Variants in COLEC12 observed in about 807,000 individuals in gnomAD.
COLEC12 encodes collectin subfamily member 12.
COLEC12 carries 33 observed loss-of-function variants against 71.1 expected under a neutral mutation model. That is an observed-to-expected ratio of 0.46 (90% CI 0.35 to 0.62). The LOEUF is 0.62. COLEC12 is among the 20% of genes least tolerant of loss of function. The pLI, the probability that COLEC12 is intolerant of heterozygous loss-of-function variation, is 0.00. For missense variants in COLEC12, 765 were observed against 916.1 expected (o/e 0.84, Z 2.13); for synonymous variants, 350 against 353.0 (o/e 0.99, Z 0.10).
intron 2 of COLEC12, among the ~76,000 whole-genome samples, chr18:376,505 G>C (rs1039484784): frequency 3.3e-5 from 5 of 152,152 alleles, no homozygotes; most frequent in Non-Finnish European, 7.3e-5. Context: ...AGTAGAGTTG[G>C]CAAGAAGCGG....
intron 2 of COLEC12, among the ~76,000 whole-genome samples, chr18:457,716 G>C (rs553913295): frequency 6.6e-6 from 1 of 152,266 alleles, no homozygotes. Context: ...AGTCCCAAGA[G>C]TTGCAAAATG....
rs369640707 is a variant in COLEC12 at position 406,179 on chromosome 18, C to A, written c.59-48657G>T. ...AAAAAGGGGAGACATGAATAATCCA[C>A]CCCTTGTTTAGCATATCATCAAAAA... On this transcript the variant is annotated intron_variant, in intron 2 of 9. Coordinates refer to ENST00000400256, the MANE Select transcript of COLEC12 (RefSeq NM_130386.3). Among the ~76,000 whole-genome samples, 3 of 152,222 alleles carry A rather than the reference C, an allele frequency of 2.0e-5. No homozygotes were observed. In the East Asian group the frequency reaches 5.8e-4, roughly 30 times the overall value.
At chr18:395,061 T>C (rs1287915652) in intron 2 of COLEC12, among the ~76,000 whole-genome samples, 1 of 152,260 alleles carries the variant, frequency 6.6e-6, no homozygotes, top group Non-Finnish European at 1.5e-5. Context: ...GCTTGGCATC[T>C]GGGACTGGTT....
rs574779751 is a variant in COLEC12 at position 327,425 on chromosome 18, G to A, written c.2063+4243C>T. Among the ~76,000 whole-genome samples the A allele has an allele frequency of 1.7e-4, 26 of 152,174 alleles. No individual in the cohort carries two copies. The highest frequency in any genetic ancestry group is 2.5e-4 in the Non-Finnish European group (17 of 68,028). ...CTTGGAACTGTCCGGGCCATTGCAGGTGGCATCTCACGCCACCCTTTCCCC... is the reference window on the plus strand; with the variant it reads ...CTTGGAACTGTCCGGGCCATTGCAGATGGCATCTCACGCCACCCTTTCCCC... On this transcript the variant is annotated intron_variant, in intron 8 of 9. Transcript: ENST00000400256. The surrounding 1 kb of genome is among the most constrained non-coding windows in gnomAD (Gnocchi z 4.0).
chr18:331,579 T>C (rs1913982150), intron 8 of COLEC12, 89 bp downstream of exon 8: 1 of 817,962 alleles, frequency 1.2e-6, no homozygotes, highest in East Asian at 2.5e-5. Flanking sequence ...CACGAGGTCA[T>C]TAAGGAAGAA....
chr18:359,975 G>A (rs961091193), intron 2 of COLEC12, among the ~76,000 whole-genome samples: 1 of 152,132 alleles, frequency 6.6e-6, no homozygotes, highest in Non-Finnish European at 1.5e-5. Flanking sequence ...CTTAAATTTA[G>A]CTTTCAGGGC....
chr18:347,471 G>A, intron 4 of COLEC12, 130 bp from the exon 5 acceptor site: 1 of 701,678 alleles, frequency 1.4e-6, no homozygotes, highest in Admixed American at 2.7e-5. Context: ...TAAGCGGACA[G>A]CTCTGCATTA....
At chr18:352,144 G>C (rs943978696) in intron 3 of COLEC12, among the ~76,000 whole-genome samples, 4 of 152,112 alleles carry the variant, frequency 2.6e-5, no homozygotes, top group African/African-American at 9.7e-5. Context: ...CTGTACCTTA[G>C]GGTTGCTTCA....
intron 2 of COLEC12, among the ~76,000 whole-genome samples, chr18:431,058 T>C (rs1392035861): frequency 6.6e-6 from 1 of 152,082 alleles, no homozygotes; most frequent in Non-Finnish European, 1.5e-5. Flanking sequence ...AGTGGTATGA[T>C]CAAGGCTCAC....
At chr18:450,193 C>CT (rs1182578536) in intron 2 of COLEC12, among the ~76,000 whole-genome samples, 1 of 152,188 alleles carries the variant, frequency 6.6e-6, no homozygotes, top group African/African-American at 2.4e-5. Context: ...ACACCACACT[C>CT]TTTTGGTTCT....
At chr18:442,554 T>C (rs143940844) in intron 2 of COLEC12, among the ~76,000 whole-genome samples, 1 of 152,256 alleles carries the variant, frequency 6.6e-6, no homozygotes, top group East Asian at 1.9e-4. Flanking sequence ...TGAGTTCAAG[T>C]TTCCCTTGCC....
chr18:408,218 C>G lies in COLEC12; in HGVS notation c.59-50696G>C, dbSNP rs1331607166. 6.6e-6 allele frequency among the ~76,000 whole-genome samples: 1 copy of G among 152,088 alleles called. No homozygotes were observed. The highest frequency in any genetic ancestry group is 2.4e-5 in the African/African-American group (1 of 41,404). On this transcript the variant is annotated intron_variant, in intron 2 of 9. Coordinates refer to ENST00000400256, the MANE Select transcript of COLEC12 (RefSeq NM_130386.3). This position sits in a 1 kb window ranked among gnomAD's most constrained non-coding sequence, Gnocchi z 4.3. The stretch of plus-strand genomic sequence containing the variant: ...ATCACAAGTTATTTAACCCTAAACT[C>G]CAGGTTCCTAATTGGGAAACTAGGT...
intron 1 of COLEC12, among the ~76,000 whole-genome samples, chr18:481,743 C>A (rs951875107): frequency 6.6e-6 from 1 of 151,966 alleles, no homozygotes; most frequent in Non-Finnish European, 1.5e-5. Flanking sequence ...TATCACCCAA[C>A]CTTTCTACCA....
At chr18:366,700 C>G (rs771192754) in intron 2 of COLEC12, among the ~76,000 whole-genome samples, 1 of 152,128 alleles carries the variant, frequency 6.6e-6, no homozygotes, top group Non-Finnish European at 1.5e-5. Flanking sequence ...GGAAGTGGGC[C>G]CTCGCTTCCA....
At chr18:354,644 CAGCAAGAAAG>C (rs1477658552) in intron 3 of COLEC12, among the ~76,000 whole-genome samples, 1 of 152,130 alleles carries the variant, frequency 6.6e-6, no homozygotes, top group Non-Finnish European at 1.5e-5. Context: ...AGAATCTTAC[CAGCAAGAAAG>C]AGGAGTCACT....
rs376505392 is a variant in COLEC12, at chr18:331,730, G to A, written c.2001C>T (p.Gly667=). The change falls in exon 8 of 10, where the codon GGC becomes GGT. Residue 667 remains glycine (G), a synonymous_variant. Coordinates refer to ENST00000400256, the MANE Select transcript of COLEC12 (RefSeq NM_130386.3). ...QMVGRESHWI[G]LTDSERENEW... ...CATTTTCACGCTCTGAGTCTGTGAG[G>A]CCGATCCAGTGGCTCTCTCTCCCTA... is the stretch of plus-strand genomic sequence containing the variant. 27 of 1,613,934 alleles carry A rather than the reference G, an allele frequency of 1.7e-5. No individual in the cohort carries two copies. Among genetic ancestry groups the A allele is most frequent in the Admixed American group, 8.3e-5 (5 of 60,008 alleles).
At chr18:357,594 G>C in intron 2 of COLEC12, 72 bp from the exon 3 acceptor site, 1 of 1,277,678 alleles carries the variant, frequency 7.8e-7, no homozygotes, top group Non-Finnish European at 1.1e-6. Flanking sequence ...TTGCATTTAG[G>C]TTCAAATATT....
At chr18:468,425 G>C (rs1567917390) in intron 2 of COLEC12, among the ~76,000 whole-genome samples, 1 of 152,108 alleles carries the variant, frequency 6.6e-6, no homozygotes. Flanking sequence ...GACCCAGAGA[G>C]TTTATATCAT....
chr18:377,548 C>G (rs1387958449), intron 2 of COLEC12, among the ~76,000 whole-genome samples: 1 of 152,174 alleles, frequency 6.6e-6, no homozygotes, highest in Non-Finnish European at 1.5e-5. Context: ...CTTCGGCCTC[C>G]AAGTATGAGA....
Sources: allele counts gnomAD v4.1 joint callset (sites outside exome capture counted in the v4.1 genomes callset), GRCh38; gene constraint gnomAD v4.1.1; non-coding constraint Gnocchi (gnomAD v3.1); transcripts MANE v1.5; gene names NCBI Gene and HGNC (gene_info 2026-07-23, HGNC 2026-07-21).